SNX24: variants seen among roughly 807,000 people sequenced by gnomAD.
SNX24 encodes the protein sorting nexin 24, also known as sorting nexin-24.
A neutral mutation model predicts 28.7 loss-of-function variants in SNX24; 22 were observed. The observed-to-expected ratio is 0.77, with a 90% CI of 0.55 to 1.10. The LOEUF (loss-of-function observed/expected upper bound fraction) is 1.10. Among genes scored for constraint, SNX24 ranks in the 50% least tolerant of loss-of-function variants. The pLI is 0.00. For missense variants in SNX24, 221 were observed against 201.1 expected, an observed-to-expected ratio of 1.10 and a Z score of -0.60; for synonymous variants, 69 against 71.5, an observed-to-expected ratio of 0.96 and a Z score of 0.18.
chr5:123,017,979 C>CT (rs1581868090), intron 5 of SNX24, among the ~76,000 whole-genome samples: 2 of 152,026 alleles, frequency 1.3e-5, no homozygotes, highest in Admixed American at 1.3e-4. Flanking sequence ...GTGAAATACT[C>CT]TGTCTGGGGG....
chr5:122,955,596 G>A (rs923711858), intron 3 of SNX24, among the ~76,000 whole-genome samples: 1 of 152,206 alleles, frequency 6.6e-6, no homozygotes, highest in Non-Finnish European at 1.5e-5. Context: ...GGTTAAGGTA[G>A]AAGATTAGGC....
At chr5:122,985,379 C>T (rs991036999) in intron 3 of SNX24, among the ~76,000 whole-genome samples, 5 of 152,288 alleles carry the variant, frequency 3.3e-5, no homozygotes, top group African/African-American at 9.6e-5. Context: ...GGATTCTCAA[C>T]TCTCCTGCCC....
intron 1 of SNX24, among the ~76,000 whole-genome samples, chr5:122,857,368 T>C (rs1014960891): frequency 2.0e-5 from 3 of 152,116 alleles, no homozygotes; most frequent in Non-Finnish European, 2.9e-5. Flanking sequence ...CTTCTACATA[T>C]GGCTACCACT....
At chr5:122,967,017 C>T (rs561321613) in intron 3 of SNX24, among the ~76,000 whole-genome samples, 1 of 152,250 alleles carries the variant, frequency 6.6e-6, no homozygotes, top group Admixed American at 6.5e-5. Context: ...CTTTCAGGAA[C>T]CATCTCACTG....
intron 3 of SNX24, among the ~76,000 whole-genome samples, chr5:122,967,806 G>C (rs1006227363): frequency 6.6e-6 from 1 of 152,122 alleles, no homozygotes; most frequent in Non-Finnish European, 1.5e-5. Context: ...CTTACCAGGA[G>C]TCCTGCTGGG....
rs1762499895 is a variant in SNX24, at chr5:123,008,838, A to C, written c.*1089A>C. The C allele has an allele frequency of 1.0e-5, 10 of 967,772 alleles. No homozygotes were observed. The Admixed American group carries it at 6.2e-4, about 60-fold the overall frequency. The allele number at this position is 967,772 out of a possible 1,614,324, so 59.9% of individuals were successfully genotyped here. A position where few individuals can be genotyped will look rare whatever the true frequency, so the allele number is the denominator to read the frequency against. On this transcript the variant is annotated 3_prime_UTR_variant, in exon 7 of 7. Coordinates refer to ENST00000261369, the MANE Select transcript of SNX24 (RefSeq NM_014035.4). ...TAACTCCACTGTACATCATCCTTTG[A>C]GTAGTAAAGGATAAAAGCATATATA...
At chr5:123,026,779 C>T (rs1042371906) in intron 5 of SNX24, among the ~76,000 whole-genome samples, 1 of 152,190 alleles carries the variant, frequency 6.6e-6, no homozygotes, top group African/African-American at 2.4e-5. Flanking sequence ...GACCTTTCTC[C>T]ACAGACCATA....
chr5:122,903,313 G>A (rs1379277249), intron 1 of SNX24, among the ~76,000 whole-genome samples: 2 of 152,034 alleles, frequency 1.3e-5, no homozygotes, highest in Non-Finnish European at 2.9e-5. Context: ...GTTTCTCCAT[G>A]TTGCCCAAGC....
At chr5:122,940,160 A>C (rs1436582435) in intron 2 of SNX24, among the ~76,000 whole-genome samples, 1 of 151,484 alleles carries the variant, frequency 6.6e-6, no homozygotes, top group African/African-American at 2.4e-5. Context: ...TGCCTGGCTA[A>C]TTTTTGTATT....
chr5:122,886,512 A>T (rs1236667877), intron 1 of SNX24, among the ~76,000 whole-genome samples: 6 of 152,134 alleles, frequency 3.9e-5, no homozygotes, highest in Non-Finnish European at 8.8e-5. Flanking sequence ...ATATGTTTCT[A>T]ATAACATTTA....
intron 3 of SNX24, among the ~76,000 whole-genome samples, chr5:122,979,845 G>A (rs1424506126): frequency 6.6e-6 from 1 of 152,178 alleles, no homozygotes; most frequent in South Asian, 2.1e-4. Context: ...TTTACCAGTT[G>A]TGCCATCTCC....
At chr5:122,878,367 C>T (rs891564519) in intron 1 of SNX24, among the ~76,000 whole-genome samples, 4 of 152,082 alleles carry the variant, frequency 2.6e-5, no homozygotes, top group Admixed American at 2.6e-4. Flanking sequence ...AGTCAGATTA[C>T]AGCGGATTAA....
intron 1 of SNX24, among the ~76,000 whole-genome samples, chr5:122,862,064 G>A (rs909957045): frequency 6.6e-6 from 1 of 152,196 alleles, no homozygotes; most frequent in Non-Finnish European, 1.5e-5. Flanking sequence ...AGGCTGAGTG[G>A]AAGTTTGCCA....
At chr5:122,945,947 A>G (rs1759661729) in intron 2 of SNX24, 108 bp from the exon 3 acceptor site, 2 of 576,132 alleles carry the variant, frequency 3.5e-6, no homozygotes, top group Admixed American at 3.3e-5. Context: ...TGCAGATAGC[A>G]GTAGTTCACT....
chr5:122,945,779 TTTTAA>T (rs1224339965), intron 2 of SNX24, among the ~76,000 whole-genome samples: 2 of 152,212 alleles, frequency 1.3e-5, no homozygotes, highest in Non-Finnish European at 2.9e-5. Flanking sequence ...TTTATTAGGC[TTTTAA>T]TTTTTCAGGA....
intron 3 of SNX24, among the ~76,000 whole-genome samples, chr5:122,987,252 T>G (rs1408320480): frequency 6.6e-6 from 1 of 151,986 alleles, no homozygotes; most frequent in Non-Finnish European, 1.5e-5. Context: ...AGTTTTCGAG[T>G]GTGGTTCCTG....
intron 5 of SNX24, among the ~76,000 whole-genome samples, chr5:123,016,496 T>A (rs1007091338): frequency 6.6e-6 from 1 of 152,116 alleles, no homozygotes; most frequent in African/African-American, 2.4e-5. Flanking sequence ...GTAATGTATA[T>A]AATGGCTCAC....
chr5:122,947,690 A>C (rs1374093934), intron 3 of SNX24, among the ~76,000 whole-genome samples: 3 of 152,088 alleles, frequency 2.0e-5, no homozygotes, highest in Non-Finnish European at 4.4e-5. Flanking sequence ...CAAAAAACAA[A>C]CCCCTCCAAA....
At chr5:122,968,768 CATATT>C (rs1335717176) in intron 3 of SNX24, among the ~76,000 whole-genome samples, 6 of 152,174 alleles carry the variant, frequency 3.9e-5, no homozygotes, top group African/African-American at 7.2e-5. Flanking sequence ...TATCACTACT[CATATT>C]AGAATAAGAA....
Sources: allele counts gnomAD v4.1 joint callset (sites outside exome capture counted in the v4.1 genomes callset), GRCh38; gene constraint gnomAD v4.1.1; transcripts MANE v1.5; gene names NCBI Gene and HGNC (gene_info 2026-07-23, HGNC 2026-07-21).